Variants in CLEC5A observed in about 807,000 individuals in gnomAD.
CLEC5A encodes C-type lectin domain family 5 member A.
CLEC5A carries 15 observed loss-of-function variants against 24.4 expected under a neutral mutation model. The observed-to-expected ratio is 0.62, with a 90% CI of 0.41 to 0.95. The LOEUF (loss-of-function observed/expected upper bound fraction) is 0.95. Among genes scored for constraint, CLEC5A ranks in the 40% least tolerant of loss-of-function variants. CLEC5A has a pLI of 0.00. For synonymous variants in CLEC5A, 71 were observed against 72.6 expected, an observed-to-expected ratio of 0.98 and a Z score of 0.11; for missense variants, 211 against 224.0, an observed-to-expected ratio of 0.94 and a Z score of 0.37.
intron 4 of CLEC5A, among the ~76,000 whole-genome samples, chr7:141,938,158 C>T (rs1802685257): frequency 6.6e-6 from 1 of 152,162 alleles, no homozygotes; most frequent in African/African-American, 2.4e-5. Context: ...AAAACATGAC[C>T]TCACCAGTTG....
At chr7:141,931,539 C>T (rs1802460674) in intron 6 of CLEC5A, 181 bp downstream of exon 6, 3 of 547,270 alleles carry the variant, frequency 5.5e-6, no homozygotes, top group African/African-American at 1.9e-5. Context: ...AGTTTGATCT[C>T]TTTCATAAGA....
At position 141,928,693 on chromosome 7, in the gene CLEC5A, A is replaced by T. The variant is rs985940872; in HGVS notation, c.*1411T>A. On this transcript the variant is annotated 3_prime_UTR_variant, in exon 7 of 7. Coordinates refer to ENST00000546910, the MANE Select transcript of CLEC5A (RefSeq NM_013252.3). The stretch of plus-strand genomic sequence containing the variant: ...ATGAAACCTAGGAATGCAGAAGCAG[A>T]ACTTAGTGTTGTAATAAAAAATATG... The T allele has an allele frequency of 1.3e-5, 2 of 152,214 alleles. No individual in the cohort carries two copies. Among genetic ancestry groups the T allele is most frequent in the Non-Finnish European group, 2.9e-5 (2 of 68,040 alleles). The allele number at this position is 152,214 out of a possible 1,614,324, so 9.4% of individuals were successfully genotyped here. A position where few individuals can be genotyped will look rare whatever the true frequency, so the allele number is the denominator to read the frequency against.
intron 6 of CLEC5A, 50 bp from the exon 7 acceptor site, chr7:141,930,268 AT>A (rs1802418294): frequency 7.3e-7 from 1 of 1,367,134 alleles, no homozygotes; most frequent in Non-Finnish European, 1.0e-6. Context: ...AAAACAAAGC[AT>A]GGTGATGGCC....
At chr7:141,934,349 G>A (rs782696644) in intron 5 of CLEC5A, among the ~76,000 whole-genome samples, 1 of 152,172 alleles carries the variant, frequency 6.6e-6, no homozygotes, top group Non-Finnish European at 1.5e-5. Flanking sequence ...AATTGAGGAA[G>A]AAAAGAGAAG....
intron 4 of CLEC5A, among the ~76,000 whole-genome samples, chr7:141,937,903 C>T (rs1214604546): frequency 1.3e-5 from 2 of 152,212 alleles, no homozygotes; most frequent in South Asian, 2.1e-4. Context: ...ATAAATCTTT[C>T]AGATCTTATC....
rs575949990 is a variant in CLEC5A, at chr7:141,933,898, G to A, written c.345+1916C>T. 4.6e-5 allele frequency among the ~76,000 whole-genome samples: 7 copies of A among 152,148 alleles called. No individual in the cohort carries two copies. In the South Asian group the frequency reaches 1.2e-3, roughly 27 times the overall value. On this transcript the variant is annotated intron_variant, in intron 5 of 6. Transcript: ENST00000546910. ...TGAACGCTAAGGGAGAGCCGGCTGC[G>A]CAGCTGTGAATGGGAGCGGCTGGAG...
chr7:141,938,463 C>A (rs1183725397), intron 4 of CLEC5A, among the ~76,000 whole-genome samples: 1 of 151,956 alleles, frequency 6.6e-6, no homozygotes, highest in East Asian at 1.9e-4. Context: ...GAATAAGAAA[C>A]AATGAAGCAC....
chr7:141,938,104 G>A (rs1233629831), intron 4 of CLEC5A, among the ~76,000 whole-genome samples: 2 of 152,140 alleles, frequency 1.3e-5, no homozygotes, highest in Non-Finnish European at 2.9e-5. Context: ...AATCTTCTAT[G>A]CCCAGACACT....
At chr7:141,940,556 A>C (rs538722075) in intron 4 of CLEC5A, among the ~76,000 whole-genome samples, 4 of 152,058 alleles carry the variant, frequency 2.6e-5, no homozygotes, top group African/African-American at 7.2e-5. Flanking sequence ...ACCCAAAATT[A>C]GTAGAACAAA....
intron 6 of CLEC5A, among the ~76,000 whole-genome samples, chr7:141,931,216 C>T (rs564620676): frequency 3.3e-5 from 5 of 152,208 alleles, no homozygotes; most frequent in South Asian, 4.1e-4. Flanking sequence ...GGTTAAAAGA[C>T]GAAGCCCTTT....
chr7:141,938,188 G>C (rs1047264115), intron 4 of CLEC5A, among the ~76,000 whole-genome samples: 1 of 152,162 alleles, frequency 6.6e-6, no homozygotes, highest in Non-Finnish European at 1.5e-5. Context: ...AGGCACCAGG[G>C]ACCAATCCTG....
intron 4 of CLEC5A, among the ~76,000 whole-genome samples, chr7:141,936,539 C>T (rs1235433704): frequency 2.6e-5 from 4 of 152,140 alleles, no homozygotes; most frequent in Admixed American, 6.5e-5. Flanking sequence ...ATAACCCATC[C>T]CAGTGGTTGA....
In CLEC5A at chr7:141,935,805, T is replaced by TACA; in HGVS notation, c.345+8_345+9insTGT. The TACA allele has an allele frequency of 6.2e-7, 1 of 1,613,786 alleles. No individual in the cohort carries two copies. Among genetic ancestry groups the TACA allele is most frequent in the South Asian group, 1.1e-5 (1 of 91,078 alleles). On this transcript the variant is annotated intron_variant, in intron 5 of 6. Transcript: ENST00000546910. ...GTGTGGCTTTACTGTACCATTCCAG[T>TACA]GTTCTCACCAGTTTCTCTGGCGTGT... is the stretch of plus-strand genomic sequence containing the variant.
chr7:141,946,630 C>T (rs2293460), intron 1 of CLEC5A, among the ~76,000 whole-genome samples, 177 bp downstream of exon 1: 34,951 of 152,000 alleles, frequency 0.23, 4,891 homozygotes, highest in East Asian at 0.45. Flanking sequence ...AACCCTTATC[C>T]TTGAAATGAC....
chr7:141,945,266 G>A (rs932558848), intron 3 of CLEC5A, 75 bp downstream of exon 3: 1 of 1,005,760 alleles, frequency 9.9e-7, no homozygotes, highest in Non-Finnish European at 1.6e-6. Flanking sequence ...AAAGGAGGCT[G>A]TGTGGAAGGT....
At chr7:141,942,003 TCAAAGCAATCTAC>T (rs1554441690) in intron 4 of CLEC5A, among the ~76,000 whole-genome samples, 9 of 152,120 alleles carry the variant, frequency 5.9e-5, no homozygotes, top group African/African-American at 2.2e-4. Flanking sequence ...TCCACTCTAC[TCAAAGCAATCTAC>T]AGATTTAATG....
intron 5 of CLEC5A, among the ~76,000 whole-genome samples, chr7:141,933,893 G>T (rs1356833657): frequency 6.6e-6 from 1 of 152,070 alleles, no homozygotes; most frequent in Non-Finnish European, 1.5e-5. Context: ...GGGAGAGCCG[G>T]CTGCGCAGCT....
At chr7:141,936,491 A>G (rs1357684783) in intron 4 of CLEC5A, among the ~76,000 whole-genome samples, 4 of 152,160 alleles carry the variant, frequency 2.6e-5, no homozygotes, top group African/African-American at 9.7e-5. Context: ...ATACCCACCC[A>G]TGGAGGAAGC....
intron 4 of CLEC5A, among the ~76,000 whole-genome samples, chr7:141,939,884 T>A (rs2128961783): frequency 6.6e-6 from 1 of 152,190 alleles, no homozygotes; most frequent in East Asian, 1.9e-4. Context: ...AGCAAGAGAA[T>A]ATAACAATAT....
Sources: gnomAD v4.1 joint callset for allele counts (sites outside exome capture counted in the v4.1 genomes callset) on GRCh38, gnomAD v4.1.1 for gene constraint, MANE v1.5 for transcripts, NCBI Gene and HGNC (gene_info 2026-07-23, HGNC 2026-07-21) for gene names.